CTNND2: variants seen among roughly 807,000 people sequenced by gnomAD.
CTNND2 encodes catenin delta 2.
Under a neutral mutation model 144.4 loss-of-function variants are expected in CTNND2, and 22 were observed. That is an observed-to-expected ratio of 0.15 (90% CI 0.11 to 0.22). The LOEUF (loss-of-function observed/expected upper bound fraction) is 0.22, where lower values mean the gene tolerates loss of function less well. Ranked by LOEUF, CTNND2 falls within the 10% of genes least tolerant of loss-of-function variation. The probability of loss-of-function intolerance (pLI) is 1.00; values close to 1 mark genes in which losing one functional copy is unlikely to be tolerated. For synonymous variants in CTNND2, 751 were observed against 695.6 expected, an observed-to-expected ratio of 1.08 and a Z score of -1.25; for missense variants, 1,353 against 1,618.8, an observed-to-expected ratio of 0.84 and a Z score of 2.82.
chr5:11,736,349 A>T (rs1485437643), intron 1 of CTNND2, among the ~76,000 whole-genome samples: 1 of 152,220 alleles, frequency 6.6e-6, no homozygotes, highest in Non-Finnish European at 1.5e-5. Context: ...CCTTACAGCA[A>T]TAACAGAAAG....
At chr5:11,130,488 TTCCAATTAAAACTGATGGTCGC>T (rs1755481362) in intron 12 of CTNND2, among the ~76,000 whole-genome samples, 1 of 152,168 alleles carries the variant, frequency 6.6e-6, no homozygotes, top group Non-Finnish European at 1.5e-5. Flanking sequence ...AGCTACATGA[TTCCAATTAAAACTGATGGTCGC>T]CACAGAGTTA....
At chr5:10,981,530 G>C (rs1393410349) in intron 21 of CTNND2, among the ~76,000 whole-genome samples, 1 of 152,060 alleles carries the variant, frequency 6.6e-6, no homozygotes, top group South Asian at 2.1e-4. Flanking sequence ...TTCTGCACCA[G>C]ATCAAGCATG....
chr5:11,441,949 T>C (rs1277206432), intron 3 of CTNND2, among the ~76,000 whole-genome samples: 2 of 152,248 alleles, frequency 1.3e-5, no homozygotes, highest in Non-Finnish European at 2.9e-5. Context: ...CAAACAGGCC[T>C]GTGTGGCTTT....
intron 5 of CTNND2, among the ~76,000 whole-genome samples, chr5:11,404,714 T>C (rs1008366218): frequency 1.4e-5 from 2 of 142,878 alleles, no homozygotes; most frequent in African/African-American, 5.0e-5. Flanking sequence ...GCTTCCCAGG[T>C]TCAAGCGATT....
intron 18 of CTNND2, among the ~76,000 whole-genome samples, chr5:11,003,575 G>A (rs1740181714): frequency 6.6e-6 from 1 of 152,168 alleles, no homozygotes; most frequent in Non-Finnish European, 1.5e-5. Context: ...ACTGAAGGTA[G>A]AATATTCTGA....
chr5:11,167,226 A>G (rs1580470526), intron 11 of CTNND2, among the ~76,000 whole-genome samples: 2 of 152,326 alleles, frequency 1.3e-5, no homozygotes, highest in Admixed American at 1.3e-4. Context: ...TTGGAGTGCC[A>G]TGGTCCATAA....
intron 9 of CTNND2, among the ~76,000 whole-genome samples, chr5:11,333,300 G>A (rs932776353): frequency 6.6e-6 from 1 of 151,870 alleles, no homozygotes; most frequent in Admixed American, 6.6e-5. Context: ...GTCTCACTCT[G>A]TTGCCCAGGC....
chr5:11,247,276 T>C (rs964392822), intron 9 of CTNND2, among the ~76,000 whole-genome samples: 3 of 152,108 alleles, frequency 2.0e-5, no homozygotes, highest in Non-Finnish European at 4.4e-5. Context: ...ACGGGCAGTC[T>C]GGATGCCCTT....
intron 1 of CTNND2, among the ~76,000 whole-genome samples, chr5:11,785,541 C>T (rs769608679): frequency 6.6e-6 from 1 of 151,708 alleles, no homozygotes; most frequent in East Asian, 1.9e-4. Flanking sequence ...CTATTTAACA[C>T]AGTAGGAAGC....
intron 1 of CTNND2, among the ~76,000 whole-genome samples, chr5:11,856,507 G>A (rs1254284647): frequency 6.6e-6 from 1 of 152,124 alleles, no homozygotes; most frequent in African/African-American, 2.4e-5. Flanking sequence ...GAGTGTCGAA[G>A]GTAGAAAGAG....
intron 1 of CTNND2, among the ~76,000 whole-genome samples, chr5:11,805,140 C>T (rs7703910): frequency 0.81 from 122,560 of 151,994 alleles, 53,621 homozygotes; most frequent in Non-Finnish European, 0.97. Context: ...CCAGGTTTCT[C>T]ATATTTGGAG....
At chr5:11,101,268 T>A (rs1278549218) in intron 14 of CTNND2, among the ~76,000 whole-genome samples, 1 of 152,206 alleles carries the variant, frequency 6.6e-6, no homozygotes, top group African/African-American at 2.4e-5. Context: ...CCATTAAAAA[T>A]AGATTTCCAT....
intron 9 of CTNND2, among the ~76,000 whole-genome samples, chr5:11,335,263 T>G (rs1253049409): frequency 3.3e-5 from 5 of 152,230 alleles, no homozygotes; most frequent in African/African-American, 1.2e-4. Context: ...TCAAGGTCAG[T>G]ATCTCCAAAT....
In CTNND2 at chr5:11,404,045, TG is replaced by T. The variant is rs1313201528; in HGVS notation, c.440-6843del. On this transcript the variant is annotated intron_variant, in intron 5 of 21. Transcript: ENST00000304623. Reference sequence around the variant, plus strand: ...GGACTCCAAAGAGCTTTATTTTATCTGGGTATATATGATGCTAGTCACTCAA... The same window carrying T: ...GGACTCCAAAGAGCTTTATTTTATCTGGTATATATGATGCTAGTCACTCAA... Among the ~76,000 whole-genome samples the T allele has an allele frequency of 6.6e-5, 10 of 152,326 alleles. No individual in the cohort carries two copies. The South Asian group carries it at 1.0e-3, about 16-fold the overall frequency.
chr5:11,242,413 A>C lies in CTNND2; in HGVS notation c.1629-5590T>G, dbSNP rs189907247. 5.9e-4 allele frequency among the ~76,000 whole-genome samples: 90 copies of C among 152,360 alleles called. No homozygotes were observed. The East Asian group carries it at 0.011, about 19-fold the overall frequency. ...TAAAACTATGTTGCCTGCTATAATC[A>C]TTCTCTTGAAATAATGTCTAAAACA... On this transcript the variant is annotated intron_variant, in intron 9 of 21. Coordinates refer to ENST00000304623, the MANE Select transcript of CTNND2 (RefSeq NM_001332.4).
intron 11 of CTNND2, among the ~76,000 whole-genome samples, chr5:11,173,121 T>C (rs1333059389): frequency 6.6e-6 from 1 of 152,240 alleles, no homozygotes; most frequent in Admixed American, 6.5e-5. Flanking sequence ...ACTCACATTG[T>C]CATAAAAAAT....
At chr5:11,292,992 C>A (rs1748521089) in intron 9 of CTNND2, among the ~76,000 whole-genome samples, 1 of 152,184 alleles carries the variant, frequency 6.6e-6, no homozygotes, top group Admixed American at 6.5e-5. Flanking sequence ...CACCAAGCAT[C>A]AGCCAATGTG....
chr5:11,830,544 T>C (rs576536496), intron 1 of CTNND2, among the ~76,000 whole-genome samples: 6 of 152,354 alleles, frequency 3.9e-5, no homozygotes, highest in African/African-American at 1.4e-4. Context: ...CCTCCTTTCC[T>C]TCTGCCATGT....
intron 12 of CTNND2, among the ~76,000 whole-genome samples, chr5:11,131,631 T>TA (rs1033714139): frequency 4.0e-5 from 6 of 151,628 alleles, no homozygotes; most frequent in South Asian, 2.1e-4. Flanking sequence ...ACTAAAAAAA[T>TA]AAAAAAAATT....
Sources: allele counts gnomAD v4.1 joint callset (sites outside exome capture counted in the v4.1 genomes callset), GRCh38; gene constraint gnomAD v4.1.1; transcripts MANE v1.5; gene names NCBI Gene and HGNC (gene_info 2026-07-23, HGNC 2026-07-21).